The following OTUD6B variants were observed in gnomAD, a reference collection of about 807,000 sequenced individuals.
OTUD6B encodes the protein OTU deubiquitinase 6B.
OTUD6B carries 41 observed loss-of-function variants against 36.9 expected under a neutral mutation model. That is an observed-to-expected ratio of 1.11 (90% confidence interval 0.87 to 1.44). The LOEUF is 1.44. OTUD6B is among the 40% of genes most tolerant of loss of function. The pLI, the probability that OTUD6B is intolerant of heterozygous loss-of-function variation, is 0.00. For synonymous variants in OTUD6B, 114 were observed against 114.2 expected (o/e 1.00, Z 0.01); for missense variants, 356 against 344.8 (o/e 1.03, Z -0.26).
chr8:91,079,903 G>A (rs12334996), intron 4 of OTUD6B, among the ~76,000 whole-genome samples: 80,546 of 151,910 alleles, frequency 0.53, 22,148 homozygotes, highest in South Asian at 0.67. Flanking sequence ...TGTTCTGAAC[G>A]CTGAGGATTT....
chr8:91,073,519 G>A (rs530130423), intron 2 of OTUD6B, among the ~76,000 whole-genome samples: 40 of 152,240 alleles, frequency 2.6e-4, no homozygotes, highest in African/African-American at 9.4e-4. Flanking sequence ...TGTACTGGCA[G>A]TAGTCAGAGA....
chr8:91,073,710 A>G (rs2130427970), intron 2 of OTUD6B, 121 bp from the exon 3 acceptor site: 1 of 1,258,862 alleles, frequency 7.9e-7, no homozygotes, highest in Non-Finnish European at 1.0e-6. Context: ...AGACAAAACC[A>G]TATTATCTAA....
Position 91,073,502 on chromosome 8 carries a change from T to C in OTUD6B, c.235-329T>C, listed in dbSNP as rs187897382. On this transcript the variant is annotated intron_variant, in intron 2 of 6. Coordinates refer to ENST00000404789, the MANE Select transcript of OTUD6B (RefSeq NM_016023.5). Reference sequence around the variant, plus strand: ...GAACTGAGCCAGCACAGGACCTTTATCTTATATGTACTGGCAGTAGTCAGA... The same window carrying C: ...GAACTGAGCCAGCACAGGACCTTTACCTTATATGTACTGGCAGTAGTCAGA... Among the ~76,000 whole-genome samples, 18 of 152,254 alleles carry C rather than the reference T, an allele frequency of 1.2e-4. No individual in the cohort carries two copies. The East Asian group carries it at 3.1e-3, about 26-fold the overall frequency.
chr8:91,076,680 C>A, intron 3 of OTUD6B: 1 of 1,407,356 alleles, frequency 7.1e-7, no homozygotes, highest in Non-Finnish European at 9.7e-7. Flanking sequence ...TTTCTGCGTG[C>A]TGTTTCCTCA....
chr8:91,071,435 G>C lies in OTUD6B; in HGVS notation c.234+146G>C, dbSNP rs559421288. The C allele has an allele frequency of 2.7e-4, 171 of 623,282 alleles. 1 individual carries two copies. In the African/African-American group the frequency reaches 3.2e-3, roughly 12 times the overall value. The allele number at this position is 623,282 out of a possible 1,614,324, so 38.6% of individuals were successfully genotyped here. A position where few individuals can be genotyped will look rare whatever the true frequency, so the allele number is the denominator to read the frequency against. On this transcript the variant is annotated intron_variant, in intron 2 of 6. Coordinates refer to ENST00000404789, the MANE Select transcript of OTUD6B (RefSeq NM_016023.5). ...TCAATCTTGGCTCACTGCAAGCTCCGCCTCCCGGGTTCAGGCCATTCTCCT... is the reference window on the plus strand; with the variant it reads ...TCAATCTTGGCTCACTGCAAGCTCCCCCTCCCGGGTTCAGGCCATTCTCCT...
At chr8:91,074,802 A>C (rs1346026707) in intron 3 of OTUD6B, among the ~76,000 whole-genome samples, 2 of 152,086 alleles carry the variant, frequency 1.3e-5, no homozygotes, top group African/African-American at 4.8e-5. Context: ...TTAGTAGAGC[A>C]TGGAGTTTAG....
In OTUD6B at chr8:91,085,381, T is replaced by G. The variant is rs2130449124; in HGVS notation, c.*513T>G. 1 of 152,090 alleles carries G rather than the reference T, an allele frequency of 6.6e-6. No homozygotes were observed. Among genetic ancestry groups the G allele is most frequent in the South Asian group, 2.1e-4 (1 of 4,828 alleles). The allele number at this position is 152,090 out of a possible 1,614,324, so 9.4% of individuals were successfully genotyped here. The stretch of plus-strand genomic sequence containing the variant: ...TCGATGAGACTAATGCAGTGAAGCT[T>G]TATTACTAATATATATAGCCTTATC... On this transcript the variant is annotated 3_prime_UTR_variant, in exon 7 of 7. Coordinates refer to ENST00000404789, the MANE Select transcript of OTUD6B (RefSeq NM_016023.5).
chr8:91,077,706 A>G (rs1185103825), intron 3 of OTUD6B, among the ~76,000 whole-genome samples: 3 of 152,080 alleles, frequency 2.0e-5, no homozygotes, highest in Non-Finnish European at 4.4e-5. Context: ...GAATTTATAC[A>G]TATTTTCAAG....
At chr8:91,074,181 A>G (rs1285452818) in intron 3 of OTUD6B, among the ~76,000 whole-genome samples, 1 of 152,178 alleles carries the variant, frequency 6.6e-6, no homozygotes, top group Non-Finnish European at 1.5e-5. Context: ...ATCCTAAGAT[A>G]ATATAAAATA....
At chr8:91,070,555 A>G in intron 1 of OTUD6B, 89 bp downstream of exon 1, 1 of 1,242,572 alleles carries the variant, frequency 8.0e-7, no homozygotes, top group Non-Finnish European at 1.1e-6. Context: ...TCAAGGCGTG[A>G]CTTATCTGGA....
chr8:91,075,345 G>A (rs533846475), intron 3 of OTUD6B, among the ~76,000 whole-genome samples: 54 of 152,064 alleles, frequency 3.6e-4, no homozygotes, highest in Middle Eastern at 6.8e-3. Flanking sequence ...AGGAAGGGCA[G>A]AATTTTTGCA....
intron 3 of OTUD6B, among the ~76,000 whole-genome samples, chr8:91,076,965 A>G (rs936697281): frequency 1.3e-4 from 20 of 152,206 alleles, no homozygotes; most frequent in Non-Finnish European, 2.1e-4. Flanking sequence ...AGCATGGCAC[A>G]TAACAGGCAA....
chr8:91,080,519 A>G (rs1812882769), intron 4 of OTUD6B, 150 bp from the exon 5 acceptor site: 6 of 1,403,430 alleles, frequency 4.3e-6, no homozygotes, highest in Non-Finnish European at 5.6e-6. Flanking sequence ...TGGACCTGGG[A>G]GTTAGATTAG....
intron 5 of OTUD6B, among the ~76,000 whole-genome samples, chr8:91,082,811 GC>G (rs1462366897): frequency 6.8e-6 from 1 of 147,836 alleles, no homozygotes; most frequent in Non-Finnish European, 1.5e-5. Flanking sequence ...GAGTACAGTG[GC>G]GTGATCTTGG....
intron 2 of OTUD6B, among the ~76,000 whole-genome samples, chr8:91,072,373 G>T (rs1046585019): frequency 6.6e-6 from 1 of 152,212 alleles, no homozygotes; most frequent in African/African-American, 2.4e-5. Flanking sequence ...ACTGAATTCT[G>T]TTACAGCTTT....
At chr8:91,070,594 G>A in intron 1 of OTUD6B, 128 bp downstream of exon 1, 2 of 851,990 alleles carry the variant, frequency 2.3e-6, no homozygotes, top group Non-Finnish European at 3.6e-6. Context: ...AGTAGCAAGT[G>A]GCCTCTTCTC....
intron 2 of OTUD6B, among the ~76,000 whole-genome samples, chr8:91,071,682 T>G (rs998412169): frequency 6.6e-6 from 1 of 152,174 alleles, no homozygotes; most frequent in African/African-American, 2.4e-5. Context: ...ATCATAAAAT[T>G]GGTAGGGAAA....
intron 5 of OTUD6B, among the ~76,000 whole-genome samples, chr8:91,081,400 T>C (rs574561580): frequency 6.6e-6 from 1 of 150,974 alleles, no homozygotes; most frequent in Non-Finnish European, 1.5e-5. Flanking sequence ...AAAAAACAGG[T>C]AGGTAGGCCA....
intron 3 of OTUD6B, 63 bp downstream of exon 3, chr8:91,073,974 C>T (rs1390126400): frequency 1.8e-6 from 2 of 1,087,240 alleles, no homozygotes; most frequent in Non-Finnish European, 2.7e-6. Flanking sequence ...ATCTTAGGTA[C>T]TATCTTAGGT....
Sources: allele counts gnomAD v4.1 joint callset (sites outside exome capture counted in the v4.1 genomes callset), GRCh38; gene constraint gnomAD v4.1.1; transcripts MANE v1.5; gene names NCBI Gene and HGNC (gene_info 2026-07-23, HGNC 2026-07-21).